The following FSTL4 variants were observed in gnomAD, a reference collection of about 807,000 sequenced individuals.
FSTL4 encodes the protein follistatin-related protein 4.
In FSTL4, 28 loss-of-function variants were observed where a neutral mutation model predicts 78.2. The ratio of observed to expected loss-of-function variants is 0.36; its 90% confidence interval spans 0.27 to 0.49. The LOEUF is 0.49. FSTL4 is among the 20% of genes least tolerant of loss of function. FSTL4 has a pLI of 0.98. For synonymous variants in FSTL4, 422 were observed against 440.5 expected (o/e 0.96, Z 0.53); for missense variants, 922 against 1,084.9 (o/e 0.85, Z 2.11).
intron 3 of FSTL4, among the ~76,000 whole-genome samples, chr5:133,427,293 A>G (rs1440359148): frequency 1.3e-5 from 2 of 152,212 alleles, no homozygotes; most frequent in Non-Finnish European, 2.9e-5. Flanking sequence ...CAGTAACTGG[A>G]AGGGTGCCTT....
chr5:133,201,147 G>A (rs1156376612), intron 15 of FSTL4, among the ~76,000 whole-genome samples: 1 of 152,186 alleles, frequency 6.6e-6, no homozygotes, highest in African/African-American at 2.4e-5. Flanking sequence ...GCTTGATGGC[G>A]GATTATAGAA....
At chr5:133,628,611 C>T in the FSTL4 span, among the ~76,000 whole-genome samples, 1 of 152,018 alleles carries the variant, frequency 6.6e-6, no homozygotes, top group East Asian at 1.9e-4. Flanking sequence ...CCACCCACCT[C>T]GGCCTCCCTA....
the FSTL4 span, among the ~76,000 whole-genome samples, chr5:133,701,359 C>T: frequency 4.7e-5 from 7 of 149,434 alleles, no homozygotes; most frequent in South Asian, 6.4e-4. Context: ...GCCGAGATCA[C>T]GCCACTGCAC....
the FSTL4 span, among the ~76,000 whole-genome samples, chr5:133,646,297 T>C: frequency 6.6e-5 from 10 of 151,822 alleles, no homozygotes; most frequent in East Asian, 1.2e-3. Flanking sequence ...AAGGAGAAAA[T>C]AAGTCAAAGG....
At chr5:133,671,601 C>T in the FSTL4 span, among the ~76,000 whole-genome samples, 2 of 152,200 alleles carry the variant, frequency 1.3e-5, no homozygotes. Flanking sequence ...GTACACCGAA[C>T]AAAGGAGACA....
At chr5:133,759,612 C>CA in the FSTL4 span, among the ~76,000 whole-genome samples, 1 of 152,122 alleles carries the variant, frequency 6.6e-6, no homozygotes, top group Non-Finnish European at 1.5e-5. Flanking sequence ...TACAAGTATA[C>CA]AAAAAATTTT....
At chr5:133,628,838 G>A in the FSTL4 span, among the ~76,000 whole-genome samples, 3 of 151,770 alleles carry the variant, frequency 2.0e-5, no homozygotes, top group African/African-American at 7.3e-5. Flanking sequence ...TGTATCCTGA[G>A]ACTTTGCTGA....
chr5:133,607,474 C>T (rs1201635994), intron 1 of FSTL4, among the ~76,000 whole-genome samples: 2 of 152,064 alleles, frequency 1.3e-5, no homozygotes, highest in Non-Finnish European at 2.9e-5. Context: ...AATGATTATC[C>T]CTCAATCAGA....
the FSTL4 span, among the ~76,000 whole-genome samples, chr5:133,834,516 G>A: frequency 6.7e-6 from 1 of 150,202 alleles, no homozygotes; most frequent in African/African-American, 2.4e-5. Flanking sequence ...TTTGTGGGGG[G>A]TGGGGGGAGT....
chr5:133,482,733 G>A (rs1358134711), intron 3 of FSTL4, among the ~76,000 whole-genome samples: 4 of 152,126 alleles, frequency 2.6e-5, no homozygotes, highest in Non-Finnish European at 4.4e-5. Flanking sequence ...ACGAGAGTGG[G>A]GATCCCAAGG....
At chr5:133,596,671 C>T (rs1050710918) in intron 2 of FSTL4, among the ~76,000 whole-genome samples, 17 of 152,134 alleles carry the variant, frequency 1.1e-4, no homozygotes, top group African/African-American at 3.1e-4. Flanking sequence ...TACCTTAGCC[C>T]GGTCCCACCG....
chr5:133,734,118 T>C, the FSTL4 span, among the ~76,000 whole-genome samples: 1 of 152,276 alleles, frequency 6.6e-6, no homozygotes, highest in African/African-American at 2.4e-5. Context: ...AGTCACTAAA[T>C]CCAGCCCACA....
chr5:133,512,269 A>C (rs1758750631), intron 3 of FSTL4, among the ~76,000 whole-genome samples: 1 of 152,238 alleles, frequency 6.6e-6, no homozygotes, highest in African/African-American at 2.4e-5. Flanking sequence ...TCCAACACAC[A>C]GTTCAGACTC....
intron 7 of FSTL4, among the ~76,000 whole-genome samples, chr5:133,238,346 C>G (rs1561636399): frequency 1.3e-5 from 2 of 152,176 alleles, no homozygotes; most frequent in African/African-American, 4.8e-5. Flanking sequence ...GGGGGGGTCT[C>G]TCCCCCAACA....
At chr5:133,276,612 C>T (rs766387992) in intron 6 of FSTL4, among the ~76,000 whole-genome samples, 1 of 152,206 alleles carries the variant, frequency 6.6e-6, no homozygotes, top group Non-Finnish European at 1.5e-5. Flanking sequence ...CATCCCTCCC[C>T]ACTCCCCACC....
intron 3 of FSTL4, among the ~76,000 whole-genome samples, chr5:133,551,568 G>A (rs775005170): frequency 1.3e-4 from 20 of 152,196 alleles, no homozygotes; most frequent in African/African-American, 3.1e-4. Context: ...CTCATGCTCC[G>A]CTGAGATGTC....
the FSTL4 span, among the ~76,000 whole-genome samples, chr5:133,621,384 A>G: frequency 6.6e-6 from 1 of 152,240 alleles, no homozygotes; most frequent in African/African-American, 2.4e-5. Context: ...TAGGCAACAG[A>G]GCGAGACTCC....
At chr5:133,647,098 A>G in the FSTL4 span, among the ~76,000 whole-genome samples, 3 of 152,134 alleles carry the variant, frequency 2.0e-5, no homozygotes, top group Non-Finnish European at 4.4e-5. Flanking sequence ...GAGCGGCCCA[A>G]TGTAAATTGT....
At chr5:133,431,057 A>T (rs1756926152) in intron 3 of FSTL4, among the ~76,000 whole-genome samples, 1 of 152,230 alleles carries the variant, frequency 6.6e-6, no homozygotes, top group Admixed American at 6.5e-5. Context: ...AGAGACCTAG[A>T]GGGGTGCATC....
Sources: allele counts gnomAD v4.1 joint callset (sites outside exome capture counted in the v4.1 genomes callset), GRCh38; gene constraint gnomAD v4.1.1; transcripts MANE v1.5; gene names NCBI Gene and HGNC (gene_info 2026-07-23, HGNC 2026-07-21).